Variants in HAGH observed in about 807,000 individuals in gnomAD.
The protein encoded by HAGH is hydroxyacylglutathione hydrolase, mitochondrial.
Under a neutral mutation model 35.1 loss-of-function variants are expected in HAGH, and 29 were observed. The observed-to-expected ratio is 0.83, with a 90% confidence interval of 0.62 to 1.13. The LOEUF is 1.13. Ranked by LOEUF, HAGH falls within the 50% of genes most tolerant of loss-of-function variation. The pLI, the probability that HAGH is intolerant of heterozygous loss-of-function variation, is 0.00. For missense variants in HAGH, 478 were observed against 419.6 expected, an observed-to-expected ratio of 1.14 and a Z score of -1.22; for synonymous variants, 225 against 176.1, an observed-to-expected ratio of 1.28 and a Z score of -2.20.
chr16:1,822,767 G>A, intron 2 of HAGH, 98 bp downstream of exon 2: 1 of 1,021,232 alleles, frequency 9.8e-7, no homozygotes, highest in South Asian at 1.4e-5. Flanking sequence ...TTTAGCTTAG[G>A]CAAAGTTGCA....
chr16:1,824,577 G>A (rs1423906609), intron 1 of HAGH, among the ~76,000 whole-genome samples: 4 of 152,210 alleles, frequency 2.6e-5, no homozygotes, highest in African/African-American at 9.7e-5. Flanking sequence ...GGTGGCAGAG[G>A]ACAGTGCAGT....
Position 1,809,017 on chromosome 16 carries a change from A to C in HAGH, c.*266T>G. 1.7e-5 allele frequency: 8 copies of C among 458,730 alleles called. No homozygotes were observed. The highest frequency in any genetic ancestry group is 1.1e-4 in the East Asian group (3 of 28,192). The allele number at this position is 458,730 out of a possible 1,614,324, so 28.4% of individuals were successfully genotyped here. On this transcript the variant is annotated 3_prime_UTR_variant, in exon 9 of 9. Transcript: ENST00000397356. ...CCTGACCTGAAGCGTGGGTGGGGGG[A>C]CTGCAGTGGCTCACGGAGGAGGAAG...
chr16:1,824,007 G>C (rs1184482624), intron 1 of HAGH, among the ~76,000 whole-genome samples: 1 of 152,114 alleles, frequency 6.6e-6, no homozygotes, highest in African/African-American at 2.4e-5. Context: ...CCCCCGCCTG[G>C]CCATCTGCCC....
chr16:1,822,860 C>T lies in HAGH; in HGVS notation c.249+5G>A, dbSNP rs754515094. 1.7e-5 allele frequency: 28 copies of T among 1,612,050 alleles called. No individual in the cohort carries two copies. Among genetic ancestry groups the T allele is most frequent in the Admixed American group, 8.3e-5 (5 of 59,980 alleles). The stretch of plus-strand genomic sequence containing the variant: ...GCAGGGAGAGCCAGGCACAGCCATG[C>T]GCACCTTCTGGGGCTGCACCGGATC... On this transcript the variant is annotated splice_donor_5th_base_variant and intron_variant, in intron 2 of 8. Transcript: ENST00000397356.
At chr16:1,827,081 C>T (rs1450640321), upstream of HAGH, 2 of 1,125,626 alleles carry the variant, frequency 1.8e-6, no homozygotes, top group Admixed American at 2.8e-5. Flanking sequence ...TCCCTGGAGG[C>T]CGAGCGCCAC....
intron 8 of HAGH, 39 bp downstream of exon 8, chr16:1,809,715 G>A (rs1408402872): frequency 7.1e-7 from 1 of 1,402,440 alleles, no homozygotes; most frequent in Non-Finnish European, 1.0e-6. Context: ...GACTGCCAGA[G>A]GGGAGGGGCC....
chr16:1,822,883 A>G lies in HAGH; in HGVS notation c.231T>C (p.Asp77=). The G allele has an allele frequency of 1.2e-6, 2 of 1,613,784 alleles. No homozygotes were observed. The highest frequency in any genetic ancestry group is 1.7e-6 in the Non-Finnish European group (2 of 1,179,958). The change falls in exon 2 of 9, where the codon GAT becomes GAC. Residue 77 remains aspartate, a synonymous_variant. Transcript: ENST00000397356. ...TGCGCACCTTCTGGGGCTGCACCGG[A>G]TCCACAATGGCAGCCTCCTTGGTCT... ...DDETKEAAIV[D]PVQPQKVVDA...
chr16:1,812,718 T>TA (rs1281391958), intron 7 of HAGH, among the ~76,000 whole-genome samples: 3 of 152,134 alleles, frequency 2.0e-5, no homozygotes, highest in Admixed American at 1.3e-4. Flanking sequence ...GAATGAAGCA[T>TA]AAAAGAATCT....
At chr16:1,809,598 C>G (rs1315394651) in intron 8 of HAGH, among the ~76,000 whole-genome samples, 156 bp downstream of exon 8, 2 of 152,226 alleles carry the variant, frequency 1.3e-5, no homozygotes, top group African/African-American at 4.8e-5. Context: ...AGGCCGGACC[C>G]CCCTCAAGAA....
chr16:1,815,479 G>T lies in HAGH; in HGVS notation c.747+1414C>A, dbSNP rs144746349. 4.2e-3 allele frequency among the ~76,000 whole-genome samples: 645 copies of T among 152,322 alleles called. 2 individuals carry two copies. The highest frequency in any genetic ancestry group is 5.6e-3 in the Non-Finnish European group (383 of 68,032). ...AATGGGCTACTCAGAAGCAAAGAGC[G>T]TGGCTGACCCTCACCAACATCAGCG... On this transcript the variant is annotated intron_variant, in intron 7 of 8. Transcript: ENST00000397356.
intron 7 of HAGH, 134 bp from the exon 8 acceptor site, chr16:1,809,967 C>A (rs1173217743): frequency 3.0e-6 from 2 of 670,626 alleles, no homozygotes; most frequent in Non-Finnish European, 5.4e-6. Context: ...AGTTTGAGAC[C>A]AGCCTGGACA....
chr16:1,810,165 A>AGT, intron 7 of HAGH: 1 of 134,918 alleles, frequency 7.4e-6, no homozygotes, highest in South Asian at 4.7e-5. Context: ...GTCTCAAAAA[A>AGT]TGCTTCAGAA....
intron 3 of HAGH, 62 bp from the exon 4 acceptor site, chr16:1,820,076 AGGGGGCTGCCTGCTG>A (rs1898085605): frequency 1.9e-5 from 14 of 740,084 alleles, no homozygotes; most frequent in Non-Finnish European, 3.1e-5. Flanking sequence ...TGCTGAGCTG[AGGGGGCTGCCTGCTG>A]AGCTGAGGGG....
chr16:1,824,655 T>C (rs978417595), intron 1 of HAGH, among the ~76,000 whole-genome samples: 7 of 152,170 alleles, frequency 4.6e-5, no homozygotes, highest in South Asian at 2.1e-4. Context: ...AGCCACCAAC[T>C]GACAGACACA....
At chr16:1,816,687 G>A (rs569542844) in intron 7 of HAGH, among the ~76,000 whole-genome samples, 1 of 152,366 alleles carries the variant, frequency 6.6e-6, no homozygotes, top group South Asian at 2.1e-4. Flanking sequence ...CAGCGTCTGA[G>A]GCCTACTCCA....
At chr16:1,823,394 AGTAGCTGG>A (rs968684032) in intron 1 of HAGH, among the ~76,000 whole-genome samples, 14 of 151,170 alleles carry the variant, frequency 9.3e-5, no homozygotes, top group African/African-American at 3.4e-4. Context: ...CAGCCTCCTG[AGTAGCTGG>A]GACTACAGAC....
intron 5 of HAGH, among the ~76,000 whole-genome samples, chr16:1,818,355 C>T (rs951804165): frequency 6.6e-6 from 1 of 152,184 alleles, no homozygotes. Context: ...GCGAGGCGCC[C>T]GTCCCTCCCG....
rs11639880 is a variant in HAGH, at chr16:1,821,955, T to G, written c.314+345A>C. ...GCTTGTTTTTTTTTGTTTTTTTGTT[T>G]TTTTTTTTTTTAAAAACCACTCACC... On this transcript the variant is annotated intron_variant, in intron 3 of 8. Coordinates refer to ENST00000397356, the MANE Select transcript of HAGH (RefSeq NM_005326.6). 3.2e-4 allele frequency: 30 copies of G among 94,100 alleles called. 1 individual carries two copies. The South Asian group carries it at 3.6e-3, about 11-fold the overall frequency. The allele number at this position is 94,100 out of a possible 1,614,324, so 5.8% of individuals were successfully genotyped here.
At chr16:1,827,116 C>T (rs1898478614), upstream of HAGH, 12 of 1,392,732 alleles carry the variant, frequency 8.6e-6, no homozygotes, top group South Asian at 1.4e-5. Flanking sequence ...CGGCAGATCG[C>T]GAGGTGGAAC....
Sources: allele counts gnomAD v4.1 joint callset (sites outside exome capture counted in the v4.1 genomes callset), GRCh38; gene constraint gnomAD v4.1.1; transcripts MANE v1.5; gene names NCBI Gene and HGNC (gene_info 2026-07-23, HGNC 2026-07-21).